SLC8A1: variants seen among roughly 807,000 people sequenced by gnomAD.
The protein encoded by SLC8A1 is solute carrier family 8 member A1.
SLC8A1 carries 18 observed loss-of-function variants against 68.3 expected under a neutral mutation model. That is an observed-to-expected ratio of 0.26 (90% CI 0.18 to 0.39). The LOEUF (loss-of-function observed/expected upper bound fraction) is 0.39. SLC8A1 is among the 10% of genes least tolerant of loss of function. The probability of loss-of-function intolerance (pLI) is 1.00; values close to 1 mark genes in which losing one functional copy is unlikely to be tolerated. For synonymous variants in SLC8A1, 475 were observed against 415.5 expected, an observed-to-expected ratio of 1.14 and a Z score of -1.74; for missense variants, 985 against 1,156.7, an observed-to-expected ratio of 0.85 and a Z score of 2.15.
At chr2:40,491,275 G>T (rs1705298939) in intron 1 of SLC8A1, among the ~76,000 whole-genome samples, 1 of 152,010 alleles carries the variant, frequency 6.6e-6, no homozygotes, top group African/African-American at 2.4e-5. Context: ...TCATGATTTG[G>T]TTCTCTGTTT....
chr2:40,327,449 T>C (rs762296674), intron 2 of SLC8A1, among the ~76,000 whole-genome samples: 40 of 152,228 alleles, frequency 2.6e-4, no homozygotes, highest in Non-Finnish European at 5.4e-4. Flanking sequence ...TAATACATGT[T>C]GCCAAATTTC....
intron 2 of SLC8A1, among the ~76,000 whole-genome samples, chr2:40,208,671 A>C (rs1443482365): frequency 6.6e-6 from 1 of 152,180 alleles, no homozygotes; most frequent in Non-Finnish European, 1.5e-5. Flanking sequence ...AACAGGAAAG[A>C]GTTGCCAAAT....
chr2:40,185,548 A>G (rs1379944767), intron 2 of SLC8A1, among the ~76,000 whole-genome samples: 1 of 152,190 alleles, frequency 6.6e-6, no homozygotes, highest in Non-Finnish European at 1.5e-5. Context: ...AGGCAAATCC[A>G]GAGACAGAAA....
intron 2 of SLC8A1, among the ~76,000 whole-genome samples, chr2:40,385,556 G>A (rs1213485578): frequency 6.6e-6 from 1 of 151,028 alleles, no homozygotes; most frequent in Non-Finnish European, 1.5e-5. Flanking sequence ...TAATGTAAAA[G>A]TTATCATATC....
chr2:40,245,503 G>A (rs2061750271), intron 2 of SLC8A1, among the ~76,000 whole-genome samples: 1 of 152,168 alleles, frequency 6.6e-6, no homozygotes, highest in Admixed American at 6.5e-5. Context: ...CCTGGAAGTT[G>A]ACAGGGTAAA....
intron 2 of SLC8A1, among the ~76,000 whole-genome samples, chr2:40,249,233 TATG>T (rs1432631146): frequency 2.0e-5 from 3 of 152,214 alleles, no homozygotes; most frequent in Non-Finnish European, 4.4e-5. Context: ...GAGTCTCTGT[TATG>T]ATGTCTATCA....
intron 6 of SLC8A1, among the ~76,000 whole-genome samples, chr2:40,159,454 A>G (rs2045261711): frequency 6.6e-6 from 1 of 152,176 alleles, no homozygotes; most frequent in Non-Finnish European, 1.5e-5. Context: ...GATGCTTTTA[A>G]TGTTTTAATT....
At chr2:40,110,041 A>G (rs1037333198) in exon 8 of SLC8A1, 3 of 152,192 alleles carry the variant, frequency 2.0e-5, no homozygotes, top group Admixed American at 6.5e-5. Context: ...CTTTGACAAA[A>G]CTGAAAATGT....
intron 2 of SLC8A1, among the ~76,000 whole-genome samples, chr2:40,187,246 A>T (rs1260651746): frequency 6.6e-6 from 1 of 152,198 alleles, no homozygotes; most frequent in Non-Finnish European, 1.5e-5. Context: ...ACGCACAGGG[A>T]TCTGAAGTCA....
At chr2:40,449,946 T>C (rs1702126157) in intron 1 of SLC8A1, among the ~76,000 whole-genome samples, 2 of 152,318 alleles carry the variant, frequency 1.3e-5, no homozygotes, top group South Asian at 2.1e-4. Flanking sequence ...GCTTCTTTTA[T>C]AGCAGGTGTG....
chr2:40,262,977 T>C (rs937238563), intron 2 of SLC8A1, among the ~76,000 whole-genome samples: 1 of 152,214 alleles, frequency 6.6e-6, no homozygotes, highest in Non-Finnish European at 1.5e-5. Context: ...CCTCCCGTAA[T>C]TCCTAAGAAG....
At chr2:40,371,563 G>C (rs1678076539) in intron 2 of SLC8A1, among the ~76,000 whole-genome samples, 1 of 152,082 alleles carries the variant, frequency 6.6e-6, no homozygotes, top group African/African-American at 2.4e-5. Flanking sequence ...GGACCGAATA[G>C]GCTAATGAAG....
chr2:40,402,283 G>A (rs561367563), intron 2 of SLC8A1, among the ~76,000 whole-genome samples: 16 of 152,196 alleles, frequency 1.1e-4, no homozygotes, highest in Non-Finnish European at 2.1e-4. Context: ...ACATCAGGAA[G>A]TTAACATGTA....
At position 40,333,508 on chromosome 2, in the gene SLC8A1, T is replaced by C. The variant is rs1008031056; in HGVS notation, c.1808+94965A>G. 6.9e-5 allele frequency among the ~76,000 whole-genome samples: 10 copies of C among 145,568 alleles called. No homozygotes were observed. The East Asian group carries it at 2.0e-3, about 29-fold the overall frequency. On this transcript the variant is annotated intron_variant, in intron 2 of 7. Transcript: ENST00000406785. ...TTTTATTCCCAAGCTAGCATAAGAA[T>C]GTTGAGGTAACCAATGTTATTGGGG...
intron 2 of SLC8A1, among the ~76,000 whole-genome samples, chr2:40,399,371 T>C (rs997912107): frequency 1.3e-5 from 2 of 151,766 alleles, no homozygotes; most frequent in Non-Finnish European, 2.9e-5. Context: ...TCAGAGAAGT[T>C]TGGGGAAAAA....
chr2:40,492,380 C>T (rs1705375895), intron 1 of SLC8A1, among the ~76,000 whole-genome samples: 1 of 151,976 alleles, frequency 6.6e-6, no homozygotes, highest in Non-Finnish European at 1.5e-5. Context: ...AGACCTAAAA[C>T]CATAAAAACC....
chr2:40,446,812 G>A (rs1701530755), intron 1 of SLC8A1, among the ~76,000 whole-genome samples: 1 of 152,220 alleles, frequency 6.6e-6, no homozygotes, highest in Non-Finnish European at 1.5e-5. Context: ...AGCATCCAAT[G>A]AGAAAACGTG....
chr2:40,103,203 T>C (rs1387700199), exon 8 of SLC8A1: 8 of 152,178 alleles, frequency 5.3e-5, no homozygotes, highest in Admixed American at 2.0e-4. Flanking sequence ...AAAACATTCT[T>C]TGTTTATGCA....
chr2:40,101,538 T>G (rs1452534554), exon 8 of SLC8A1: 4 of 149,660 alleles, frequency 2.7e-5, no homozygotes, highest in Non-Finnish European at 4.5e-5. Context: ...AATCTCTGAC[T>G]GGAGAGGCTG....
Sources: allele counts gnomAD v4.1 joint callset (sites outside exome capture counted in the v4.1 genomes callset), GRCh38; gene constraint gnomAD v4.1.1; transcripts MANE v1.5; gene names NCBI Gene and HGNC (gene_info 2026-07-23, HGNC 2026-07-21).